Variants in CLGN observed in about 807,000 individuals in gnomAD.
CLGN encodes testis tissue sperm-binding protein Li 79P.
A neutral mutation model predicts 79.1 loss-of-function variants in CLGN; 62 were observed. The observed-to-expected ratio is 0.78, with a 90% CI of 0.64 to 0.97. CLGN has a LOEUF of 0.97. CLGN is among the 50% of genes least tolerant of loss of function. The probability of loss-of-function intolerance (pLI) is 0.00; values close to 1 mark genes in which losing one functional copy is unlikely to be tolerated. For missense variants in CLGN, 647 were observed against 715.5 expected, an observed-to-expected ratio of 0.90 and a Z score of 1.09; for synonymous variants, 225 against 224.7, an observed-to-expected ratio of 1.00 and a Z score of -0.01.
rs1289741599 is a variant in CLGN at position 140,400,483 on chromosome 4, T to A, written c.568A>T (p.Lys190Ter). 3.1e-6 allele frequency: 5 copies of A among 1,606,020 alleles called. No homozygotes were observed. In the Admixed American group the frequency reaches 8.3e-5, roughly 27 times the overall value. Residue 190 changes from lysine (K) to a stop codon, truncating the protein, a stop_gained, in exon 7 of 15, where the codon AAA becomes TAA. Transcript: ENST00000325617. LOFTEE classifies it high-confidence loss of function. ...TTATGTCTGAAGATAAAATGAAGTT[T>A]ATAATCTTCTCCACATTTATCTGGT... Reference protein sequence around the residue: ...FGPDKCGEDYKLHFIFRHKHP... With the variant: ...FGPDKCGEDY
intron 1 of CLGN, among the ~76,000 whole-genome samples, chr4:140,421,275 TA>T (rs1729463478): frequency 6.6e-6 from 1 of 152,148 alleles, no homozygotes; most frequent in African/African-American, 2.4e-5. Flanking sequence ...GGTATACAAA[TA>T]ACTCTTCGAG....
At chr4:140,417,890 C>T (rs2126632617) in intron 1 of CLGN, among the ~76,000 whole-genome samples, 1 of 151,922 alleles carries the variant, frequency 6.6e-6, no homozygotes, top group East Asian at 1.9e-4. Flanking sequence ...GCCCGCATCG[C>T]CAAGTCAATC....
chr4:140,413,558 C>G (rs1044896463), intron 1 of CLGN, among the ~76,000 whole-genome samples: 5 of 152,212 alleles, frequency 3.3e-5, no homozygotes, highest in African/African-American at 9.6e-5. Context: ...CACAAGGGGT[C>G]AGGGAGTTCC....
chr4:140,412,938 T>C lies in CLGN; in HGVS notation c.141A>G (p.Ser47=), dbSNP rs752542122. ...EIDVNESELS[S]EIKYKTPQPI... ...ACCCATTTCTCAATAACCATACCTC[T>C]GAGGAAAGTTCACTTTCATTAACAT... The change falls in exon 2 of 15, where the codon TCA becomes TCG. Residue 47 remains serine (S), a synonymous_variant. Coordinates refer to ENST00000325617, the MANE Select transcript of CLGN (RefSeq NM_004362.3). The C allele has an allele frequency of 1.2e-6, 2 of 1,613,098 alleles. No individual in the cohort carries two copies. Among genetic ancestry groups the C allele is most frequent in the South Asian group, 2.2e-5 (2 of 91,002 alleles).
chr4:140,404,706 A>G (rs186833737), intron 5 of CLGN, among the ~76,000 whole-genome samples: 18 of 151,528 alleles, frequency 1.2e-4, no homozygotes, highest in Non-Finnish European at 2.2e-4. Context: ...CCAGGCTGCA[A>G]TGCACTGGTG....
intron 1 of CLGN, among the ~76,000 whole-genome samples, chr4:140,421,308 A>T (rs944874191): frequency 5.3e-5 from 8 of 152,098 alleles, no homozygotes; most frequent in African/African-American, 1.9e-4. Context: ...AATTCTTTTG[A>T]GTATATACCC....
intron 4 of CLGN, among the ~76,000 whole-genome samples, chr4:140,407,028 A>C (rs1729121649): frequency 6.6e-6 from 1 of 152,166 alleles, no homozygotes; most frequent in Admixed American, 6.5e-5. Context: ...CTTTCTAAGA[A>C]AAATAATGCA....
intron 5 of CLGN, among the ~76,000 whole-genome samples, chr4:140,405,247 G>C (rs1454901549): frequency 2.1e-5 from 3 of 145,346 alleles, no homozygotes; most frequent in South Asian, 2.2e-4. Flanking sequence ...TGCAGTGGCG[G>C]GATCTCGGCT....
chr4:140,404,163 G>A (rs358299), intron 5 of CLGN, among the ~76,000 whole-genome samples: 6,243 of 151,542 alleles, frequency 0.041, 160 homozygotes, highest in South Asian at 0.096. Context: ...GCATGATCTC[G>A]GCTCACTGCA....
intron 9 of CLGN, 41 bp from the exon 10 acceptor site, chr4:140,396,010 C>A: frequency 1.2e-6 from 2 of 1,606,818 alleles, no homozygotes; most frequent in African/African-American, 1.3e-5. Context: ...AACCTCAAGT[C>A]TCAGATCAGT....
intron 8 of CLGN, among the ~76,000 whole-genome samples, chr4:140,397,725 G>A (rs1728920704): frequency 6.6e-6 from 1 of 151,960 alleles, no homozygotes; most frequent in Admixed American, 6.6e-5. Flanking sequence ...CCAACATGGT[G>A]AAATCCCATC....
Position 140,392,326 on chromosome 4 carries a change from G to T in CLGN, c.1544C>A (p.Thr515Lys), listed in dbSNP as rs770228868. The T allele has an allele frequency of 8.1e-6, 13 of 1,612,048 alleles. No homozygotes were observed. Among genetic ancestry groups the T allele is most frequent in the Non-Finnish European group, 1.1e-5 (13 of 1,179,052 alleles). Reference sequence around the variant, plus strand: ...TTCTTCTTGCTCTAGTACTCCTTTTGTTTGTGGTATACATATGTCGGTTTT... The same window carrying T: ...TTCTTCTTGCTCTAGTACTCCTTTTTTTTGTGGTATACATATGTCGGTTTT... ...YKKTDICIPQ[T>K]KGVLEQEEKE... Residue 515 changes from threonine to lysine, a missense_variant, in exon 13 of 15, where the codon ACA becomes AAA. By Grantham distance (78) the Thr-to-Lys change is moderately conservative. Coordinates refer to ENST00000325617, the MANE Select transcript of CLGN (RefSeq NM_004362.3).
chr4:140,399,190 A>T (rs959267494), intron 7 of CLGN, 150 bp from the exon 8 acceptor site: 1 of 580,992 alleles, frequency 1.7e-6, no homozygotes, highest in African/African-American at 1.9e-5. Context: ...GAACTAAAAC[A>T]TTCTAAAATC....
chr4:140,389,086 A>C lies in CLGN; in HGVS notation c.*138T>G, dbSNP rs578017016. The C allele has an allele frequency of 3.1e-6, 2 of 651,866 alleles. No homozygotes were observed. The highest frequency in any genetic ancestry group is 2.2e-5 in the South Asian group (1 of 45,244). 40.4% of individuals were successfully genotyped at this position (651,866 alleles called of 1,614,324 possible). On this transcript the variant is annotated 3_prime_UTR_variant, in exon 15 of 15. Coordinates refer to ENST00000325617, the MANE Select transcript of CLGN (RefSeq NM_004362.3). ...TCTTTTTCCTCTGAAATGAAGGACT[A>C]AAATAAATGTCTGAAAGAATATAAT...
chr4:140,403,483 A>G (rs1342567228), intron 5 of CLGN, among the ~76,000 whole-genome samples: 4 of 152,222 alleles, frequency 2.6e-5, no homozygotes, highest in African/African-American at 9.6e-5. Flanking sequence ...AATAGCTGAC[A>G]AAATTTTGTT....
rs1369643646 is a variant in CLGN, at chr4:140,396,084, G to A, written c.998+8C>T. Reference sequence around the variant, plus strand: ...TGAAATCGACATTTGAAGATGAAGAGTGCTTACCAGTCATCAGGTTTTTCA... The same window carrying A: ...TGAAATCGACATTTGAAGATGAAGAATGCTTACCAGTCATCAGGTTTTTCA... On this transcript the variant is annotated splice_region_variant and intron_variant, in intron 9 of 14. Transcript: ENST00000325617. 13 of 1,612,620 alleles carry A rather than the reference G, an allele frequency of 8.1e-6. No individual in the cohort carries two copies. Among genetic ancestry groups the A allele is most frequent in the East Asian group, 4.5e-5 (2 of 44,880 alleles).
At chr4:140,418,894 T>A (rs1238189545) in intron 1 of CLGN, among the ~76,000 whole-genome samples, 2 of 152,132 alleles carry the variant, frequency 1.3e-5, no homozygotes, top group African/African-American at 2.4e-5. Flanking sequence ...CTATAAAGAC[T>A]CATGCACACG....
intron 7 of CLGN, 55 bp downstream of exon 7, chr4:140,400,302 T>C: frequency 7.8e-7 from 1 of 1,287,626 alleles, no homozygotes; most frequent in Non-Finnish European, 1.1e-6. Flanking sequence ...TTGCCATGAA[T>C]ACATCAATAG....
At position 140,414,866 on chromosome 4, in the gene CLGN, T is replaced by C. The variant is rs1383766937; in HGVS notation, c.-9-1779A>G. 3.3e-5 allele frequency among the ~76,000 whole-genome samples: 5 copies of C among 150,668 alleles called. No individual in the cohort carries two copies. In the East Asian group the frequency reaches 7.8e-4, roughly 23 times the overall value. ...TACAGAGAACGCCACAAAGATACTC[T>C]TCGAGAAGAGCAACTCCAAGACACA... On this transcript the variant is annotated intron_variant, in intron 1 of 14. Transcript: ENST00000325617.
Sources: gnomAD v4.1 joint callset for allele counts (sites outside exome capture counted in the v4.1 genomes callset) on GRCh38, gnomAD v4.1.1 for gene constraint, MANE v1.5 for transcripts, NCBI Gene and HGNC (gene_info 2026-07-23, HGNC 2026-07-21) for gene names.